Variants in GRID2 observed in about 807,000 individuals in gnomAD.
The protein encoded by GRID2 is glutamate ionotropic receptor delta type subunit 2.
In GRID2, 33 loss-of-function variants were observed where a neutral mutation model predicts 114.8. That is an observed-to-expected ratio of 0.29 (90% CI 0.22 to 0.38). The LOEUF (loss-of-function observed/expected upper bound fraction) is 0.38, where lower values mean the gene tolerates loss of function less well. GRID2 is among the 10% of genes least tolerant of loss of function. The pLI, the probability that GRID2 is intolerant of heterozygous loss-of-function variation, is 1.00. For synonymous variants in GRID2, 505 were observed against 449.9 expected (o/e 1.12, Z -1.55); for missense variants, 1,184 against 1,257.7 (o/e 0.94, Z 0.89).
Position 93,069,462 on chromosome 4 carries a change from A to G in GRID2, c.245-15533A>G, listed in dbSNP as rs1241461396. On this transcript the variant is annotated intron_variant, in intron 2 of 15. Transcript: ENST00000282020. ...TATAAATAGATTTCATCATACTGCT[A>G]TCACTGTAAGCTTACAAGGGTGTAC... Among the ~76,000 whole-genome samples the G allele has an allele frequency of 2.6e-5, 4 of 151,998 alleles. No homozygotes were observed. The East Asian group carries it at 7.7e-4, about 29-fold the overall frequency.
intron 11 of GRID2, among the ~76,000 whole-genome samples, chr4:93,464,336 T>C (rs924539186): frequency 6.6e-6 from 1 of 152,204 alleles, no homozygotes; most frequent in Non-Finnish European, 1.5e-5. Context: ...GATGGCTATA[T>C]TTTTTAAAGC....
intron 3 of GRID2, among the ~76,000 whole-genome samples, chr4:93,091,429 C>T (rs1457246079): frequency 6.6e-6 from 1 of 152,040 alleles, no homozygotes; most frequent in Non-Finnish European, 1.5e-5. Flanking sequence ...AGACACTTAT[C>T]CTAGTTTGGA....
chr4:92,828,640 A>C (rs1578252767), intron 2 of GRID2, among the ~76,000 whole-genome samples: 1 of 152,150 alleles, frequency 6.6e-6, no homozygotes, highest in East Asian at 1.9e-4. Flanking sequence ...ACAGATGATA[A>C]CTTCCTCACC....
chr4:92,498,218 A>G (rs1579469911), intron 1 of GRID2, among the ~76,000 whole-genome samples: 2 of 152,018 alleles, frequency 1.3e-5, no homozygotes, highest in South Asian at 2.1e-4. Flanking sequence ...AGGTAGCACA[A>G]GGGGAATAAT....
At chr4:92,900,195 A>G (rs1747467334) in intron 2 of GRID2, among the ~76,000 whole-genome samples, 1 of 152,162 alleles carries the variant, frequency 6.6e-6, no homozygotes, top group Non-Finnish European at 1.5e-5. Flanking sequence ...TTTTAACAAG[A>G]TCATTCTGGT....
chr4:93,063,109 T>A (rs1727948376), intron 2 of GRID2, among the ~76,000 whole-genome samples: 1 of 151,944 alleles, frequency 6.6e-6, no homozygotes, highest in African/African-American at 2.4e-5. Context: ...ACTCTCTTTA[T>A]TTTGAAATAC....
chr4:93,650,731 C>T (rs574727609), intron 14 of GRID2, among the ~76,000 whole-genome samples: 3 of 152,134 alleles, frequency 2.0e-5, no homozygotes, highest in African/African-American at 7.2e-5. Context: ...CTCTTTTGAC[C>T]TTCAGTGCAT....
intron 14 of GRID2, among the ~76,000 whole-genome samples, chr4:93,723,505 G>A (rs1239980914): frequency 1.3e-5 from 2 of 152,178 alleles, no homozygotes; most frequent in Admixed American, 6.5e-5. Context: ...AGCTTGGACT[G>A]ACCATAGTGA....
At chr4:93,112,313 G>A (rs995221690) in intron 4 of GRID2, 8 of 152,064 alleles carry the variant, frequency 5.3e-5, no homozygotes, top group Admixed American at 2.0e-4. Context: ...ATATGGTTTC[G>A]CTCTGTGCCT....
chr4:93,133,746 T>C (rs2149378208), intron 4 of GRID2, among the ~76,000 whole-genome samples: 1 of 152,236 alleles, frequency 6.6e-6, no homozygotes, highest in South Asian at 2.1e-4. Flanking sequence ...CAGAAAGCTA[T>C]GCACGGGTGA....
rs1579560441 is a variant in GRID2 at position 93,290,114 on chromosome 4, G to C, written c.1245+51624G>C. Among the ~76,000 whole-genome samples the C allele has an allele frequency of 2.0e-5, 3 of 152,196 alleles. 1 individual carries two copies. The highest frequency in any genetic ancestry group is 2.0e-4 in the Admixed American group (3 of 15,288). On this transcript the variant is annotated intron_variant, in intron 8 of 15. Coordinates refer to ENST00000282020, the MANE Select transcript of GRID2 (RefSeq NM_001510.4). Reference sequence around the variant, plus strand: ...ATGTAAGCCACTGAATCACTTACAGGTTTAAAATCTGGCAAAACTGCCCGG... The same window carrying C: ...ATGTAAGCCACTGAATCACTTACAGCTTTAAAATCTGGCAAAACTGCCCGG...
chr4:93,378,209 A>G (rs889621215), intron 8 of GRID2, among the ~76,000 whole-genome samples: 3 of 152,122 alleles, frequency 2.0e-5, no homozygotes, highest in African/African-American at 7.2e-5. Flanking sequence ...TTAAATTCCT[A>G]GAATAAATCT....
intron 2 of GRID2, among the ~76,000 whole-genome samples, chr4:92,941,610 G>A (rs1387326614): frequency 2.0e-5 from 3 of 152,040 alleles, no homozygotes; most frequent in South Asian, 4.2e-4. Flanking sequence ...TCTTCTGCTA[G>A]CTTTTGAATG....
intron 10 of GRID2, among the ~76,000 whole-genome samples, chr4:93,445,674 A>T (rs1217688867): frequency 1.3e-5 from 2 of 152,008 alleles, no homozygotes; most frequent in African/African-American, 2.4e-5. Context: ...AATACCTAAA[A>T]CTTGGGAAAT....
chr4:92,328,337 A>C (rs566606854), intron 1 of GRID2, among the ~76,000 whole-genome samples: 15 of 152,028 alleles, frequency 9.9e-5, no homozygotes, highest in Non-Finnish European at 2.1e-4. Flanking sequence ...CACTAAAGAT[A>C]CCAGAGATTT....
intron 2 of GRID2, among the ~76,000 whole-genome samples, chr4:92,888,871 GAAAA>G (rs561420242): frequency 6.7e-6 from 1 of 148,400 alleles, no homozygotes; most frequent in East Asian, 2.0e-4. Flanking sequence ...CACTTGGAAA[GAAAA>G]AAAAACTAAA....
At chr4:92,659,727 A>G (rs1732428257) in intron 2 of GRID2, among the ~76,000 whole-genome samples, 1 of 151,452 alleles carries the variant, frequency 6.6e-6, no homozygotes, top group African/African-American at 2.4e-5. Context: ...GTGAAAGAAT[A>G]AATCCATTCC....
intron 14 of GRID2, among the ~76,000 whole-genome samples, chr4:93,636,420 T>TAC (rs138950414): frequency 2.0e-5 from 3 of 151,682 alleles, no homozygotes; most frequent in Admixed American, 6.6e-5. Context: ...CACTTGAAAA[T>TAC]ACACACACAC....
intron 14 of GRID2, among the ~76,000 whole-genome samples, chr4:93,722,729 A>T (rs998403144): frequency 1.1e-4 from 16 of 152,202 alleles, no homozygotes; most frequent in Non-Finnish European, 5.9e-5. Flanking sequence ...CTCCACTGTT[A>T]TAACCTAAGG....
Sources: allele counts gnomAD v4.1 joint callset (sites outside exome capture counted in the v4.1 genomes callset), GRCh38; gene constraint gnomAD v4.1.1; transcripts MANE v1.5; gene names NCBI Gene and HGNC (gene_info 2026-07-23, HGNC 2026-07-21).